ANKRD31: variants seen among roughly 807,000 people sequenced by gnomAD.
The protein encoded by ANKRD31 is ankyrin repeat domain-containing protein 31.
In ANKRD31, 147 loss-of-function variants were observed where a neutral mutation model predicts 186.0. The ratio of observed to expected loss-of-function variants is 0.79; its 90% confidence interval spans 0.69 to 0.91. The LOEUF is 0.91. Ranked by LOEUF, ANKRD31 falls within the 40% of genes least tolerant of loss-of-function variation. ANKRD31 has a pLI of 0.00. For missense variants in ANKRD31, 1,986 were observed against 2,148.8 expected, an observed-to-expected ratio of 0.92 and a Z score of 1.50; for synonymous variants, 673 against 736.4, an observed-to-expected ratio of 0.91 and a Z score of 1.39.
intron 9 of ANKRD31, among the ~76,000 whole-genome samples, chr5:75,190,308 ACTGCACGTGGC>A (rs1231925578): frequency 2.0e-5 from 3 of 152,174 alleles, no homozygotes; most frequent in Non-Finnish European, 4.4e-5. Context: ...GGCATGAGCC[ACTGCACGTGGC>A]CTGTTTAGAA....
At chr5:75,171,095 T>C (rs1002989725) in intron 10 of ANKRD31, among the ~76,000 whole-genome samples, 4 of 151,478 alleles carry the variant, frequency 2.6e-5, no homozygotes, top group African/African-American at 9.8e-5. Context: ...AATAAAGATA[T>C]AGAACAGCTG....
intron 20 of ANKRD31, among the ~76,000 whole-genome samples, chr5:75,110,574 G>T (rs1193438409): frequency 2.0e-5 from 3 of 151,486 alleles, no homozygotes; most frequent in African/African-American, 4.8e-5. Context: ...GCTGGGCATG[G>T]TGCATGCGCC....
Position 75,068,364 on chromosome 5 carries a change from C to G in ANKRD31, c.*155G>C, listed in dbSNP as rs1167211039. 2 of 620,692 alleles carry G rather than the reference C, an allele frequency of 3.2e-6. No individual in the cohort carries two copies. Among genetic ancestry groups the G allele is most frequent in the African/African-American group, 3.8e-5 (2 of 52,072 alleles). The allele number at this position is 620,692 out of a possible 1,614,324, so 38.4% of individuals were successfully genotyped here. The stretch of plus-strand genomic sequence containing the variant: ...GCATTAATCTTATATAATTGTTGAA[C>G]AGTTACATACATCTTAAGAACAGTA... On this transcript the variant is annotated 3_prime_UTR_variant, in exon 26 of 26. Coordinates refer to ENST00000506364, the MANE Select transcript of ANKRD31 (RefSeq NM_001372053.1).
At chr5:75,167,666 T>C (rs529158721) in intron 11 of ANKRD31, among the ~76,000 whole-genome samples, 19 of 152,214 alleles carry the variant, frequency 1.2e-4, no homozygotes, top group Admixed American at 9.8e-4. Flanking sequence ...TTTAACATCA[T>C]TGAAGGAACC....
chr5:75,084,696 T>C (rs1485076385), intron 23 of ANKRD31, among the ~76,000 whole-genome samples: 1 of 152,248 alleles, frequency 6.6e-6, no homozygotes, highest in Non-Finnish European at 1.5e-5. Flanking sequence ...ACCCTTGTTG[T>C]GTGATATTAA....
intron 3 of ANKRD31, among the ~76,000 whole-genome samples, chr5:75,219,405 C>T (rs1361400461): frequency 6.6e-6 from 1 of 151,812 alleles, no homozygotes; most frequent in South Asian, 2.1e-4. Flanking sequence ...AACAACAACA[C>T]CAAAAACAAA....
At chr5:75,115,851 C>A (rs1233301683) in intron 19 of ANKRD31, among the ~76,000 whole-genome samples, 2 of 151,960 alleles carry the variant, frequency 1.3e-5, no homozygotes, top group African/African-American at 4.8e-5. Flanking sequence ...GTCAGTGTGG[C>A]GATTCCTCAG....
At chr5:75,083,500 G>A (rs558923194) in intron 24 of ANKRD31, among the ~76,000 whole-genome samples, 17 of 152,114 alleles carry the variant, frequency 1.1e-4, no homozygotes, top group South Asian at 2.1e-4. Flanking sequence ...AGGCTGAGGC[G>A]GGCAGATCAC....
chr5:75,162,420 C>G (rs1427942316), intron 11 of ANKRD31, among the ~76,000 whole-genome samples: 1 of 152,168 alleles, frequency 6.6e-6, no homozygotes, highest in Non-Finnish European at 1.5e-5. Flanking sequence ...GCCTGTACCC[C>G]CATTGTATCT....
Position 75,146,636 on chromosome 5 carries a change from T to C in ANKRD31, c.2775A>G (p.Lys925=), listed in dbSNP as rs1161273523. 4 of 1,535,706 alleles carry C rather than the reference T, an allele frequency of 2.6e-6. No homozygotes were observed. The East Asian group carries it at 9.8e-5, about 38-fold the overall frequency. The change falls in exon 14 of 26, where the codon AAA becomes AAG. Residue 925 remains lysine (K), a synonymous_variant. Transcript: ENST00000506364. ...SKKVLCSTGG[K]KHYNFKENLT... is the part of the protein sequence containing the mutation. ...AATTCTCCTTAAAATTATAGTGTTT[T>C]TTGCCACCTGTAGAACACAACACCT...
intron 15 of ANKRD31, 28 bp from the exon 16 acceptor site, chr5:75,139,011 T>C (rs1369254903): frequency 1.3e-6 from 2 of 1,534,624 alleles, no homozygotes; most frequent in Admixed American, 3.9e-5. Context: ...AAGAGGTTTA[T>C]TTTCTGCCAA....
At chr5:75,101,324 G>T (rs1356895252) in intron 22 of ANKRD31, among the ~76,000 whole-genome samples, 1 of 152,214 alleles carries the variant, frequency 6.6e-6, no homozygotes, top group African/African-American at 2.4e-5. Flanking sequence ...CCCTTTGTGG[G>T]TAACTTGACC....
chr5:75,155,554 C>A (rs1365403325), intron 11 of ANKRD31, among the ~76,000 whole-genome samples: 2 of 152,064 alleles, frequency 1.3e-5, no homozygotes, highest in East Asian at 3.9e-4. Flanking sequence ...CAGAGACTAT[C>A]TTAGTATCTT....
intron 17 of ANKRD31, among the ~76,000 whole-genome samples, chr5:75,126,378 G>A (rs1209525641): frequency 6.6e-6 from 1 of 152,096 alleles, no homozygotes; most frequent in Non-Finnish European, 1.5e-5. Flanking sequence ...GGAGGCAGAG[G>A]TTGCAGTGAC....
Position 75,195,816 on chromosome 5 carries a change from C to T in ANKRD31, c.832G>A (p.Glu278Lys). 6.5e-7 allele frequency: 1 copy of T among 1,537,306 alleles called. No homozygotes were observed. The highest frequency in any genetic ancestry group is 2.4e-5 in the East Asian group (1 of 40,908). ...SWSACHRDLL[E>K]DAKDDALPAE... ...GGCAATGCATCATCTTTTGCATCTT[C>T]TAGTAAATCTCTATGACATGCCGAC... The change falls in exon 7 of 26, where the codon GAA (glutamate) becomes AAA (lysine). Residue 278 changes from glutamate (E) to lysine (K), a missense_variant. Coordinates refer to ENST00000506364, the MANE Select transcript of ANKRD31 (RefSeq NM_001372053.1).
chr5:75,218,509 CA>C (rs1025356228), intron 3 of ANKRD31, among the ~76,000 whole-genome samples: 1 of 152,036 alleles, frequency 6.6e-6, no homozygotes, highest in African/African-American at 2.4e-5. Context: ...TGAATTATAA[CA>C]GATGTACAAA....
intron 9 of ANKRD31, among the ~76,000 whole-genome samples, chr5:75,189,338 G>A (rs1754947546): frequency 6.6e-6 from 1 of 152,106 alleles, no homozygotes; most frequent in Non-Finnish European, 1.5e-5. Flanking sequence ...TGTCAGTTTG[G>A]AGGGCAATAC....
At position 75,146,736 on chromosome 5, in the gene ANKRD31, G is replaced by T. The variant is rs531649376; in HGVS notation, c.2675C>A (p.Ser892Tyr). Residue 892 changes from serine (S) to tyrosine (Y), a missense_variant, in exon 14 of 26, where the codon TCC (serine) becomes TAC (tyrosine). Coordinates refer to ENST00000506364, the MANE Select transcript of ANKRD31 (RefSeq NM_001372053.1). ...RFNKWENSFL[S>Y]FVKENSDNDD... Reference sequence around the variant, plus strand: ...ATTATCAGAATTTTCCTTTACAAAGGATAGGAAAGAATTTTCCCATTTGTT... The same window carrying T: ...ATTATCAGAATTTTCCTTTACAAAGTATAGGAAAGAATTTTCCCATTTGTT... 1.6e-5 allele frequency: 25 copies of T among 1,536,124 alleles called. No individual in the cohort carries two copies. Among genetic ancestry groups the T allele is most frequent in the Non-Finnish European group, 2.1e-5 (24 of 1,146,326 alleles).
intron 10 of ANKRD31, among the ~76,000 whole-genome samples, chr5:75,185,755 C>T (rs1424174380): frequency 6.6e-6 from 1 of 150,768 alleles, no homozygotes; most frequent in African/African-American, 2.5e-5. Context: ...ACAACATATA[C>T]ATGTATTAAA....
Sources: gnomAD v4.1 joint callset for allele counts (sites outside exome capture counted in the v4.1 genomes callset) on GRCh38, gnomAD v4.1.1 for gene constraint, MANE v1.5 for transcripts, NCBI Gene and HGNC (gene_info 2026-07-23, HGNC 2026-07-21) for gene names.